GOLM1: variants seen among roughly 807,000 people sequenced by gnomAD.
GOLM1 encodes golgi membrane protein 1.
A neutral mutation model predicts 50.5 loss-of-function variants in GOLM1; 31 were observed. That is an observed-to-expected ratio of 0.61 (90% CI 0.46 to 0.83). The LOEUF (loss-of-function observed/expected upper bound fraction) is 0.83. Ranked by LOEUF, GOLM1 falls within the 40% of genes least tolerant of loss-of-function variation. The pLI, the probability that GOLM1 is intolerant of heterozygous loss-of-function variation, is 0.00. For synonymous variants in GOLM1, 178 were observed against 192.8 expected, an observed-to-expected ratio of 0.92 and a Z score of 0.64; for missense variants, 491 against 501.3, an observed-to-expected ratio of 0.98 and a Z score of 0.20.
chr9:86,036,688 A>G, intron 6 of GOLM1, 181 bp from the exon 7 acceptor site: 1 of 621,650 alleles, frequency 1.6e-6, no homozygotes, highest in Non-Finnish European at 2.8e-6. Flanking sequence ...ATCAGAAGAC[A>G]AGAGGTTGAG....
At chr9:86,052,668 G>T in intron 3 of GOLM1, 77 bp from the exon 4 acceptor site, 1 of 1,171,874 alleles carries the variant, frequency 8.5e-7, no homozygotes, top group Non-Finnish European at 1.3e-6. Flanking sequence ...ACAAACCAAT[G>T]ATGGGGCCTG....
rs561906273 is a variant in GOLM1, at chr9:86,058,269, T to C, written c.310-5678A>G. 8.5e-5 allele frequency among the ~76,000 whole-genome samples: 13 copies of C among 152,258 alleles called. No homozygotes were observed. The East Asian group carries it at 1.3e-3, about 16-fold the overall frequency. ...ATTGAATTAAGTAAAAAGAAACAGG[T>C]TGGGCAAAAGATTTGCAAAGACATC... On this transcript the variant is annotated intron_variant, in intron 3 of 9. Coordinates refer to ENST00000388712, the MANE Select transcript of GOLM1 (RefSeq NM_016548.4).
intron 8 of GOLM1, 133 bp downstream of exon 8, chr9:86,035,235 A>C: frequency 1.3e-6 from 2 of 1,519,002 alleles, no homozygotes; most frequent in Non-Finnish European, 8.8e-7. Context: ...CTTCAAACGA[A>C]AAGGAATTGG....
chr9:86,099,624 C>T (rs1393303184), upstream of GOLM1: 1 of 148,826 alleles, frequency 6.7e-6, no homozygotes, highest in Non-Finnish European at 1.5e-5. Context: ...GAGGCGGCGC[C>T]GCGAGCGCGG....
chr9:86,090,631 T>C (rs990988499), intron 1 of GOLM1, among the ~76,000 whole-genome samples: 17 of 152,026 alleles, frequency 1.1e-4, no homozygotes, highest in Non-Finnish European at 1.9e-4. Context: ...ACTGCTGTGC[T>C]GGCAGCAAGA....
chr9:86,059,899 CAAAAAAAA>C (rs139699884), intron 3 of GOLM1, among the ~76,000 whole-genome samples: 3 of 52,456 alleles, frequency 5.7e-5, no homozygotes, highest in Non-Finnish European at 7.5e-5. Context: ...GAGTCTATCT[CAAAAAAAA>C]AAAAAAAAAA....
intron 3 of GOLM1, among the ~76,000 whole-genome samples, chr9:86,062,242 G>C (rs564945471): frequency 6.6e-6 from 1 of 152,240 alleles, no homozygotes; most frequent in East Asian, 1.9e-4. Context: ...CGGGTGCCCA[G>C]CTTGGCAGAA....
intron 3 of GOLM1, among the ~76,000 whole-genome samples, chr9:86,054,168 A>T (rs1021590335): frequency 7.9e-5 from 12 of 152,184 alleles, no homozygotes; most frequent in Admixed American, 7.9e-4. Flanking sequence ...AGTAGGAAGA[A>T]TGAGTGTCAA....
chr9:86,028,482 T>TC (rs2118595858), intron 9 of GOLM1, among the ~76,000 whole-genome samples: 1 of 152,304 alleles, frequency 6.6e-6, no homozygotes, highest in African/African-American at 2.4e-5. Context: ...GAGAGCTACT[T>TC]CCACCACTCA....
chr9:86,040,934 T>A, intron 5 of GOLM1, 66 bp from the exon 6 acceptor site: 2 of 1,496,150 alleles, frequency 1.3e-6, no homozygotes, highest in Non-Finnish European at 1.8e-6. Flanking sequence ...GACGGTGACA[T>A]CCACTTCCAT....
intron 3 of GOLM1, among the ~76,000 whole-genome samples, chr9:86,069,018 C>T (rs903240667): frequency 6.6e-6 from 1 of 151,608 alleles, no homozygotes; most frequent in African/African-American, 2.4e-5. Flanking sequence ...AATGGCTAAA[C>T]GTTTTATCAT....
chr9:86,053,972 A>G (rs938412248), intron 3 of GOLM1, among the ~76,000 whole-genome samples: 23 of 152,116 alleles, frequency 1.5e-4, no homozygotes, highest in Admixed American at 2.6e-4. Context: ...AGAAAAGGGA[A>G]TGCAGTGGCC....
intron 4 of GOLM1, among the ~76,000 whole-genome samples, chr9:86,048,147 G>A (rs1351362139): frequency 2.7e-5 from 4 of 150,920 alleles, no homozygotes; most frequent in Admixed American, 2.0e-4. Context: ...CCTTGTGATA[G>A]TTTGCTCAGA....
chr9:86,083,783 C>A (rs776376037), intron 1 of GOLM1, among the ~76,000 whole-genome samples: 1 of 152,130 alleles, frequency 6.6e-6, no homozygotes, highest in Non-Finnish European at 1.5e-5. Context: ...GTGTACAGTC[C>A]CTTATTCACA....
chr9:86,064,165 C>T (rs142349567), intron 3 of GOLM1, among the ~76,000 whole-genome samples: 498 of 152,318 alleles, frequency 3.3e-3, no homozygotes, highest in African/African-American at 0.011. Context: ...ATGTTTGCTG[C>T]TTCTCCTACA....
chr9:86,033,292 T>G lies in GOLM1; in HGVS notation c.1119A>C (p.Arg373Ser), dbSNP rs1833037904. ...AGGCCCCATTCTTACCATCTATGTT[T>G]CTGTCATTCCCTGCCAGGGCTGCTT... The part of the protein sequence containing the change: ...DKQAALAGND[R>S]NIDVFNVEDQ... Residue 373 changes from arginine (R) to serine (S), a missense_variant, in exon 9 of 10, where the codon AGA (arginine) becomes AGC (serine). Transcript: ENST00000388712. The G allele has an allele frequency of 6.3e-7, 1 of 1,593,642 alleles. No individual in the cohort carries two copies. The highest frequency in any genetic ancestry group is 8.6e-7 in the Non-Finnish European group (1 of 1,161,196).
intron 6 of GOLM1, 36 bp downstream of exon 6, chr9:86,040,703 C>G: frequency 6.3e-7 from 1 of 1,594,340 alleles, no homozygotes; most frequent in Non-Finnish European, 8.5e-7. Flanking sequence ...GATAGGGGTA[C>G]CTTCTAGAAA....
chr9:86,031,447 A>AG (rs1832977328), intron 9 of GOLM1, among the ~76,000 whole-genome samples: 1 of 114,014 alleles, frequency 8.8e-6, no homozygotes, highest in Non-Finnish European at 1.8e-5. Context: ...AATACCACTG[A>AG]GGTTTTTTTT....
chr9:86,053,880 C>G (rs529293680), intron 3 of GOLM1, among the ~76,000 whole-genome samples: 1 of 149,332 alleles, frequency 6.7e-6, no homozygotes, highest in South Asian at 2.1e-4. Context: ...CACAACTGCA[C>G]AACTCTGCAC....
Sources: allele counts gnomAD v4.1 joint callset (sites outside exome capture counted in the v4.1 genomes callset), GRCh38; gene constraint gnomAD v4.1.1; transcripts MANE v1.5; gene names NCBI Gene and HGNC (gene_info 2026-07-23, HGNC 2026-07-21).